PCDHA4: variants seen among roughly 807,000 people sequenced by gnomAD.
PCDHA4 encodes the protein protocadherin alpha 4.
In PCDHA4, 49 loss-of-function variants were observed where a neutral mutation model predicts 61.4. The ratio of observed to expected loss-of-function variants is 0.80; its 90% CI spans 0.63 to 1.01. PCDHA4 has a LOEUF of 1.01. Ranked by LOEUF, PCDHA4 falls within the 50% of genes least tolerant of loss-of-function variation. The probability of loss-of-function intolerance (pLI) is 0.00; values close to 1 mark genes in which losing one functional copy is unlikely to be tolerated. For missense variants in PCDHA4, 1,254 were observed against 1,235.8 expected (o/e 1.01, Z -0.22); for synonymous variants, 590 against 550.3 (o/e 1.07, Z -1.01).
chr5:140,823,475 C>T, intron 1 of PCDHA4: 1 of 1,613,450 alleles, frequency 6.2e-7, no homozygotes, highest in Non-Finnish European at 8.5e-7. Flanking sequence ...CTGCTGGTGC[C>T]TCGAGTGGGT....
intron 1 of PCDHA4, chr5:140,860,531 T>C (rs1488177116): frequency 1.3e-5 from 2 of 152,156 alleles, no homozygotes; most frequent in Non-Finnish European, 2.9e-5. Flanking sequence ...AATTCTGATT[T>C]GTAAGACAAA....
Position 140,821,852 on chromosome 5 carries a change from G to A in PCDHA4, c.2385+12280G>A, listed in dbSNP as rs1554128268. On this transcript the variant is annotated intron_variant, in intron 1 of 3. Transcript: ENST00000530339. ...CTTCTCCTTGCCTACTGGAAGGCAG[G>A]GAGCGGCCAGCTCCACTACTCGATC... The A allele has an allele frequency of 3.7e-6, 6 of 1,614,200 alleles. No homozygotes were observed. In the Middle Eastern group the frequency reaches 4.9e-4, roughly 133 times the overall value.
intron 1 of PCDHA4, chr5:140,828,503 C>T (rs2150156101): frequency 3.7e-6 from 6 of 1,614,238 alleles, no homozygotes; most frequent in Non-Finnish European, 5.1e-6. Context: ...GGTAGAGGAA[C>T]AAAGAGTGCT....
intron 1 of PCDHA4, chr5:140,875,784 C>T (rs782115108): frequency 3.7e-5 from 60 of 1,614,200 alleles, no homozygotes; most frequent in Non-Finnish European, 5.0e-5. Flanking sequence ...AGTGCAGTAT[C>T]CACCTGGAGG....
chr5:140,860,414 C>T (rs1180297544), intron 1 of PCDHA4: 1 of 152,016 alleles, frequency 6.6e-6, no homozygotes, highest in Non-Finnish European at 1.5e-5. Flanking sequence ...ATAGTAACAC[C>T]ATTATCCTGC....
Position 140,848,783 on chromosome 5 carries a change from C to A in PCDHA4, c.2385+39211C>A, listed in dbSNP as rs2150420389. 1.5e-5 allele frequency: 24 copies of A among 1,593,092 alleles called. 2 individuals carry two copies. The highest frequency in any genetic ancestry group is 2.2e-5 in the East Asian group (1 of 44,812). On this transcript the variant is annotated intron_variant, in intron 1 of 3. Transcript: ENST00000530339. ...CTCGGATCGACCGCGAGGAGCTGTG[C>A]GGGCGGAGCGCGGAGTGCAGCATCC... is the stretch of plus-strand genomic sequence containing the variant.
At chr5:140,844,014 G>A (rs2150368262) in intron 1 of PCDHA4, among the ~76,000 whole-genome samples, 4 of 149,646 alleles carry the variant, frequency 2.7e-5, no homozygotes, top group Admixed American at 2.0e-4. Context: ...CTCTAAGGAC[G>A]TTCAGGGCAT....
chr5:140,904,486 C>G (rs1396927518), intron 1 of PCDHA4, among the ~76,000 whole-genome samples: 2 of 151,508 alleles, frequency 1.3e-5, no homozygotes, highest in African/African-American at 2.4e-5. Context: ...TGGTCTGATT[C>G]CAAATTTTTA....
intron 1 of PCDHA4, among the ~76,000 whole-genome samples, chr5:140,938,344 G>A (rs569264531): frequency 6.6e-6 from 1 of 152,264 alleles, no homozygotes; most frequent in Non-Finnish European, 1.5e-5. Context: ...GGATAATCTT[G>A]TCTTATTCCT....
intron 1 of PCDHA4, chr5:140,822,163 C>A: frequency 6.2e-7 from 1 of 1,614,250 alleles, no homozygotes; most frequent in East Asian, 2.2e-5. Flanking sequence ...TGACAATCCG[C>A]CCAGGTTCTC....
At chr5:140,941,321 T>C (rs1220701599) in intron 1 of PCDHA4, among the ~76,000 whole-genome samples, 5 of 62,540 alleles carry the variant, frequency 8.0e-5, no homozygotes, top group African/African-American at 2.0e-4. Context: ...TTCTTTCTCT[T>C]TTTTTTTTTT....
chr5:140,841,897 T>C (rs1403032733), intron 1 of PCDHA4: 2 of 1,613,728 alleles, frequency 1.2e-6, no homozygotes, highest in Middle Eastern at 1.6e-4. Context: ...ATAAACTGGT[T>C]GAGCTCGTAT....
intron 3 of PCDHA4, among the ~76,000 whole-genome samples, chr5:140,991,361 G>C (rs1183124741): frequency 6.6e-6 from 1 of 152,200 alleles, no homozygotes; most frequent in Non-Finnish European, 1.5e-5. Context: ...ACTATTTACT[G>C]TCTGAGTTCT....
At chr5:140,934,738 C>T (rs1342430086) in intron 1 of PCDHA4, among the ~76,000 whole-genome samples, 1 of 152,078 alleles carries the variant, frequency 6.6e-6, no homozygotes, top group Admixed American at 6.5e-5. Flanking sequence ...TTTTAGGTGT[C>T]ATTATGAACT....
intron 1 of PCDHA4, chr5:140,848,846 C>G: frequency 6.3e-7 from 1 of 1,590,530 alleles, no homozygotes; most frequent in Non-Finnish European, 8.6e-7. Flanking sequence ...TGCAGGTTTT[C>G]CATGTGGACG....
intron 1 of PCDHA4, among the ~76,000 whole-genome samples, chr5:140,933,309 A>G (rs183796217): frequency 4.7e-4 from 72 of 152,092 alleles, no homozygotes; most frequent in Middle Eastern, 6.8e-3. Context: ...TAAATATGCA[A>G]TCTCGTATTC....
chr5:140,925,203 A>G (rs1201965893), intron 1 of PCDHA4, among the ~76,000 whole-genome samples: 4 of 152,310 alleles, frequency 2.6e-5, no homozygotes, highest in South Asian at 4.1e-4. Flanking sequence ...TTCAATAATT[A>G]TCGATACTTT....
At chr5:140,838,881 C>A (rs2150293311) in intron 1 of PCDHA4, among the ~76,000 whole-genome samples, 1 of 151,836 alleles carries the variant, frequency 6.6e-6, no homozygotes, top group African/African-American at 2.4e-5. Flanking sequence ...TGCCACTGAA[C>A]TCCAGCCTAG....
intron 1 of PCDHA4, among the ~76,000 whole-genome samples, chr5:140,846,666 G>A (rs1419138961): frequency 6.7e-6 from 1 of 149,080 alleles, no homozygotes; most frequent in Non-Finnish European, 1.5e-5. Flanking sequence ...GAGCCACCGC[G>A]CCCAGCCTAA....
Sources: gnomAD v4.1 joint callset for allele counts (sites outside exome capture counted in the v4.1 genomes callset) on GRCh38, gnomAD v4.1.1 for gene constraint, MANE v1.5 for transcripts, NCBI Gene and HGNC (gene_info 2026-07-23, HGNC 2026-07-21) for gene names.